Variants in FAM13A observed in about 807,000 individuals in gnomAD.
FAM13A encodes the protein family with sequence similarity 13 member A, also known as protein FAM13A.
A neutral mutation model predicts 129.6 loss-of-function variants in FAM13A; 76 were observed. That is an observed-to-expected ratio of 0.59 (90% CI 0.49 to 0.71). FAM13A has a LOEUF of 0.71. Ranked by LOEUF, FAM13A falls within the 30% of genes least tolerant of loss-of-function variation. FAM13A has a pLI of 0.00. For synonymous variants in FAM13A, 443 were observed against 449.9 expected, an observed-to-expected ratio of 0.98 and a Z score of 0.20; for missense variants, 1,108 against 1,249.3, an observed-to-expected ratio of 0.89 and a Z score of 1.70.
intron 1 of FAM13A, among the ~76,000 whole-genome samples, chr4:89,031,425 T>C (rs753616382): frequency 6.6e-6 from 1 of 152,192 alleles, no homozygotes; most frequent in Non-Finnish European, 1.5e-5. Flanking sequence ...CTGACTCTTA[T>C]TAGCTATAAC....
At chr4:88,857,745 C>T (rs1310171496) in intron 6 of FAM13A, among the ~76,000 whole-genome samples, 4 of 151,954 alleles carry the variant, frequency 2.6e-5, no homozygotes, top group African/African-American at 9.7e-5. Context: ...CTCAACTCTG[C>T]CCCTCTCAGC....
chr4:89,003,401 A>T (rs1764549967), intron 3 of FAM13A, among the ~76,000 whole-genome samples: 1 of 152,104 alleles, frequency 6.6e-6, no homozygotes, highest in African/African-American at 2.4e-5. Flanking sequence ...ACTTGAGTTC[A>T]GGAGTTCAAG....
rs1238994590 is a variant in FAM13A, at chr4:88,747,566, G to A, written c.2382+65C>T. Reference sequence around the variant, plus strand: ...CTTCCCACTGGGATTCACGTGGCATGCCCTGTGTCTCTACCACATTGACTG... The same window carrying A: ...CTTCCCACTGGGATTCACGTGGCATACCCTGTGTCTCTACCACATTGACTG... On this transcript the variant is annotated intron_variant, in intron 18 of 23. Coordinates refer to ENST00000264344, the MANE Select transcript of FAM13A (RefSeq NM_014883.4). The A allele has an allele frequency of 2.8e-5, 37 of 1,304,916 alleles. No individual in the cohort carries two copies. The South Asian group carries it at 3.8e-4, about 14-fold the overall frequency. 80.8% of individuals were successfully genotyped at this position (1,304,916 alleles called of 1,614,324 possible). A position where few individuals can be genotyped will look rare whatever the true frequency, so the allele number is the denominator to read the frequency against.
chr4:88,859,074 T>C (rs557833973), intron 6 of FAM13A, among the ~76,000 whole-genome samples: 3 of 152,302 alleles, frequency 2.0e-5, no homozygotes, highest in African/African-American at 4.8e-5. Flanking sequence ...AGAGCTTAAA[T>C]AGTTCTTTTT....
At chr4:88,995,983 A>AGT in intron 3 of FAM13A, among the ~76,000 whole-genome samples, 1 of 152,350 alleles carries the variant, frequency 6.6e-6, no homozygotes, top group South Asian at 2.1e-4. Context: ...TATTTCACTC[A>AGT]ATATGGTCAG....
At chr4:88,740,110 C>T (rs368250662) in intron 19 of FAM13A, among the ~76,000 whole-genome samples, 23 of 152,206 alleles carry the variant, frequency 1.5e-4, no homozygotes, top group South Asian at 8.3e-4. Context: ...TTGTCTCAAC[C>T]CTCTTGTCCA....
At chr4:88,893,547 C>T (rs1745731139) in intron 6 of FAM13A, among the ~76,000 whole-genome samples, 1 of 151,752 alleles carries the variant, frequency 6.6e-6, no homozygotes, top group African/African-American at 2.4e-5. Flanking sequence ...GGCGTGAACC[C>T]AGGAGGCGGA....
intron 5 of FAM13A, among the ~76,000 whole-genome samples, chr4:88,933,170 TATAAC>T (rs1300996018): frequency 2.6e-5 from 4 of 152,220 alleles, no homozygotes; most frequent in Admixed American, 1.3e-4. Flanking sequence ...AAGAAAGTCT[TATAAC>T]ATGTTTATCT....
At chr4:88,881,478 T>A (rs1248860498) in intron 6 of FAM13A, among the ~76,000 whole-genome samples, 1 of 152,134 alleles carries the variant, frequency 6.6e-6, no homozygotes, top group South Asian at 2.1e-4. Context: ...TATAAACAGC[T>A]GACCTTGAGC....
intron 8 of FAM13A, among the ~76,000 whole-genome samples, chr4:88,796,669 T>C (rs1289044283): frequency 2.0e-5 from 3 of 151,988 alleles, no homozygotes; most frequent in South Asian, 2.1e-4. Context: ...TGTGCCACTT[T>C]GTTTTAGGTA....
chr4:88,906,351 G>A, intron 6 of FAM13A, 28 bp downstream of exon 6: 1 of 1,382,836 alleles, frequency 7.2e-7, no homozygotes, highest in Non-Finnish European at 1.0e-6. Flanking sequence ...GATTTCACAT[G>A]GTCGCCTACA....
intron 3 of FAM13A, among the ~76,000 whole-genome samples, chr4:88,992,951 T>C (rs1763094390): frequency 6.6e-6 from 1 of 151,960 alleles, no homozygotes; most frequent in Admixed American, 6.5e-5. Context: ...GGAAATGAGA[T>C]ACAAAATCAG....
At chr4:88,902,443 T>C (rs1157466466) in intron 6 of FAM13A, among the ~76,000 whole-genome samples, 1 of 152,020 alleles carries the variant, frequency 6.6e-6, no homozygotes, top group Non-Finnish European at 1.5e-5. Flanking sequence ...GGATGCAAGG[T>C]TGGTTCAACA....
In FAM13A at chr4:88,739,018, T is replaced by C. The variant is rs755586625; in HGVS notation, c.2562+12A>G. On this transcript the variant is annotated intron_variant, in intron 20 of 23. Coordinates refer to ENST00000264344, the MANE Select transcript of FAM13A (RefSeq NM_014883.4). ...AGGTGTTGTACCAGCCACGGGAAGG[T>C]ATTCTACTCACAATGATGGGTATGG... The C allele has an allele frequency of 5.1e-6, 8 of 1,573,042 alleles. No homozygotes were observed. Among genetic ancestry groups the C allele is most frequent in the Non-Finnish European group, 7.0e-6 (8 of 1,142,784 alleles).
At chr4:88,751,181 G>T (rs1742524706) in intron 14 of FAM13A, among the ~76,000 whole-genome samples, 1 of 152,188 alleles carries the variant, frequency 6.6e-6, no homozygotes, top group African/African-American at 2.4e-5. Flanking sequence ...GGTGGAGTTT[G>T]CAATGAGCAG....
chr4:89,047,269 T>G (rs1770983695), intron 1 of FAM13A, among the ~76,000 whole-genome samples: 1 of 152,202 alleles, frequency 6.6e-6, no homozygotes, highest in African/African-American at 2.4e-5. Flanking sequence ...TAAGTGGTTT[T>G]TTTTGGGGGG....
chr4:88,867,664 T>C (rs142894766), intron 6 of FAM13A, among the ~76,000 whole-genome samples: 1 of 152,366 alleles, frequency 6.6e-6, no homozygotes, highest in Non-Finnish European at 1.5e-5. Flanking sequence ...ATATTTTGCA[T>C]GTTTCAACAT....
chr4:88,756,256 G>C (rs1743605149), intron 14 of FAM13A, among the ~76,000 whole-genome samples: 1 of 152,192 alleles, frequency 6.6e-6, no homozygotes, highest in Non-Finnish European at 1.5e-5. Context: ...CAATAAGCAT[G>C]ACCAGACTCG....
chr4:88,743,873 A>G (rs1350102824), intron 19 of FAM13A, among the ~76,000 whole-genome samples: 2 of 152,220 alleles, frequency 1.3e-5, no homozygotes, highest in African/African-American at 4.8e-5. Context: ...TCAAACTCTT[A>G]GTAAAACAAG....
Sources: gnomAD v4.1 joint callset for allele counts (sites outside exome capture counted in the v4.1 genomes callset) on GRCh38, gnomAD v4.1.1 for gene constraint, MANE v1.5 for transcripts, NCBI Gene and HGNC (gene_info 2026-07-23, HGNC 2026-07-21) for gene names.